PCLO: variants seen among roughly 807,000 people sequenced by gnomAD.
The protein encoded by PCLO is protein piccolo.
PCLO carries 82 observed loss-of-function variants against 427.5 expected under a neutral mutation model. The observed-to-expected ratio is 0.19, with a 90% confidence interval of 0.16 to 0.23. The LOEUF is 0.23. Ranked by LOEUF, PCLO falls within the 10% of genes least tolerant of loss-of-function variation. PCLO has a pLI of 1.00. For synonymous variants in PCLO, 2,357 were observed against 2,155.4 expected, an observed-to-expected ratio of 1.09 and a Z score of -2.59; for missense variants, 6,239 against 6,115.9, an observed-to-expected ratio of 1.02 and a Z score of -0.67.
At chr7:83,006,142 T>A (rs565099475) in intron 3 of PCLO, among the ~76,000 whole-genome samples, 1 of 151,782 alleles carries the variant, frequency 6.6e-6, no homozygotes, top group Non-Finnish European at 1.5e-5. Flanking sequence ...CACCAGCAAC[T>A]TTTGATAGAA....
At chr7:83,063,150 G>C (rs898690100) in intron 3 of PCLO, among the ~76,000 whole-genome samples, 3 of 151,892 alleles carry the variant, frequency 2.0e-5, no homozygotes, top group African/African-American at 7.2e-5. Flanking sequence ...AAGCTTTCTT[G>C]GTATAAATTC....
At chr7:82,796,051 A>G (rs771683688) in intron 22 of PCLO, among the ~76,000 whole-genome samples, 2 of 152,192 alleles carry the variant, frequency 1.3e-5, no homozygotes, top group African/African-American at 2.4e-5. Context: ...CTGGGCTTTC[A>G]TCAAGCAATT....
intron 22 of PCLO, among the ~76,000 whole-genome samples, chr7:82,775,775 C>T (rs1487021363): frequency 5.9e-5 from 9 of 151,782 alleles, no homozygotes; most frequent in African/African-American, 2.2e-4. Context: ...TGATATTATC[C>T]CCCCAAATTG....
rs574471112 is a variant in PCLO at position 82,926,945 on chromosome 7, C to T, written c.11113-10072G>A. 2.0e-4 allele frequency among the ~76,000 whole-genome samples: 30 copies of T among 152,160 alleles called. No individual in the cohort carries two copies. The East Asian group carries it at 3.9e-3, about 20-fold the overall frequency. ...CTTCCTTCCTTTGTATGAAATCAGA[C>T]GGCTATACTACAACAAAGGGAACAA... On this transcript the variant is annotated intron_variant, in intron 6 of 24. Transcript: ENST00000333891.
chr7:83,011,766 C>T (rs569498597), intron 3 of PCLO, among the ~76,000 whole-genome samples: 1 of 152,034 alleles, frequency 6.6e-6, no homozygotes, highest in Non-Finnish European at 1.5e-5. Flanking sequence ...GACACATACA[C>T]ACACACAGCC....
intron 3 of PCLO, among the ~76,000 whole-genome samples, chr7:83,065,787 A>G (rs1324322965): frequency 6.6e-6 from 1 of 152,142 alleles, no homozygotes. Context: ...ATGAACAAAT[A>G]CATGGAAGTC....
At chr7:82,795,411 G>A (rs1791203891) in intron 22 of PCLO, among the ~76,000 whole-genome samples, 1 of 152,124 alleles carries the variant, frequency 6.6e-6, no homozygotes, top group African/African-American at 2.4e-5. Context: ...CACCTGTAAT[G>A]TAAATGGTGT....
intron 9 of PCLO, among the ~76,000 whole-genome samples, chr7:82,893,303 C>T (rs1793817785): frequency 6.6e-6 from 1 of 152,038 alleles, no homozygotes; most frequent in South Asian, 2.1e-4. Flanking sequence ...AACCATCATT[C>T]TCAGCAAACT....
At chr7:82,761,309 C>T (rs1243582584) in intron 23 of PCLO, 50 bp downstream of exon 23, 2 of 1,085,166 alleles carry the variant, frequency 1.8e-6, no homozygotes, top group East Asian at 5.3e-5. Flanking sequence ...ATGTAAGACA[C>T]ATCCCTAAAA....
At chr7:83,039,879 T>C (rs1788929063) in intron 3 of PCLO, among the ~76,000 whole-genome samples, 1 of 152,168 alleles carries the variant, frequency 6.6e-6, no homozygotes, top group South Asian at 2.1e-4. Context: ...TATAAGTTTG[T>C]AATTACTTCC....
intron 6 of PCLO, among the ~76,000 whole-genome samples, chr7:82,926,020 G>A (rs936804624): frequency 6.6e-6 from 1 of 152,010 alleles, no homozygotes; most frequent in Middle Eastern, 3.4e-3. Context: ...CCATCCTATT[G>A]CTTCAAGGCA....
At chr7:82,903,696 C>A (rs1395996040) in intron 8 of PCLO, among the ~76,000 whole-genome samples, 12 of 151,686 alleles carry the variant, frequency 7.9e-5, no homozygotes, top group African/African-American at 2.9e-4. Context: ...TATGTATTGT[C>A]ATAGGAAAAT....
intron 8 of PCLO, among the ~76,000 whole-genome samples, chr7:82,905,759 T>C (rs1385032572): frequency 4.0e-5 from 6 of 151,804 alleles, no homozygotes; most frequent in African/African-American, 1.2e-4. Context: ...GGCTCTTTCA[T>C]GGGAGCTTAA....
intron 3 of PCLO, among the ~76,000 whole-genome samples, chr7:83,005,633 T>C (rs1787927679): frequency 6.6e-6 from 1 of 151,602 alleles, no homozygotes; most frequent in South Asian, 2.1e-4. Context: ...CTATATGAAG[T>C]GATGAATATG....
At chr7:82,777,508 G>C (rs1790779926) in intron 22 of PCLO, among the ~76,000 whole-genome samples, 1 of 152,142 alleles carries the variant, frequency 6.6e-6, no homozygotes, top group Non-Finnish European at 1.5e-5. Flanking sequence ...AACCTATACT[G>C]TGGGGCTATA....
In PCLO at chr7:82,757,298, A is replaced by G. The variant is rs1035673376; in HGVS notation, c.*1277T>C. 1.3e-5 allele frequency: 2 copies of G among 151,946 alleles called. No individual in the cohort carries two copies. Among genetic ancestry groups the G allele is most frequent in the Non-Finnish European group, 2.9e-5 (2 of 67,934 alleles). 9.4% of individuals were successfully genotyped at this position (151,946 alleles called of 1,614,324 possible). A position where few individuals can be genotyped will look rare whatever the true frequency, so the allele number is the denominator to read the frequency against. On this transcript the variant is annotated 3_prime_UTR_variant, in exon 25 of 25. Transcript: ENST00000333891. Reference sequence around the variant, plus strand: ...TGCTTCATTTTAAGACTTGGACATTAGTTGTTTTATTCATTATTATTAAAA... The same window carrying G: ...TGCTTCATTTTAAGACTTGGACATTGGTTGTTTTATTCATTATTATTAAAA...
intron 6 of PCLO, among the ~76,000 whole-genome samples, chr7:82,922,262 G>C (rs1016778691): frequency 6.6e-5 from 10 of 151,598 alleles, no homozygotes; most frequent in African/African-American, 2.4e-4. Flanking sequence ...AATATATATC[G>C]ATCTACCATA....
intron 20 of PCLO, among the ~76,000 whole-genome samples, chr7:82,806,303 A>C (rs1791456144): frequency 6.6e-6 from 1 of 152,190 alleles, no homozygotes; most frequent in Admixed American, 6.5e-5. Flanking sequence ...ACAAAAATGC[A>C]AAATAGAATT....
rs1789480770 is a variant in PCLO, at chr7:83,059,322, TATATATA to T, written c.3300+74921_3300+74927del. ...ATATATATATATTATATTTATATAT[TATATATA>T]ATATATATTTTATATATACACCTTT... On this transcript the variant is annotated intron_variant, in intron 3 of 24. Coordinates refer to ENST00000333891, the MANE Select transcript of PCLO (RefSeq NM_033026.6). Among the ~76,000 whole-genome samples the T allele has an allele frequency of 2.9e-5, 4 of 138,482 alleles. 1 individual carries two copies. The South Asian group carries it at 9.0e-4, about 31-fold the overall frequency. 90.8% of individuals were successfully genotyped at this position (138,482 alleles called of 152,430 possible).
Sources: gnomAD v4.1 joint callset for allele counts (sites outside exome capture counted in the v4.1 genomes callset) on GRCh38, gnomAD v4.1.1 for gene constraint, MANE v1.5 for transcripts, NCBI Gene and HGNC (gene_info 2026-07-23, HGNC 2026-07-21) for gene names.